NFATC1: variants seen among roughly 807,000 people sequenced by gnomAD.
NFATC1 encodes the protein nuclear factor of activated T-cells, cytoplasmic 1.
Under a neutral mutation model 76.0 loss-of-function variants are expected in NFATC1, and 22 were observed. That is an observed-to-expected ratio of 0.29 (90% confidence interval 0.21 to 0.41). NFATC1 has a LOEUF of 0.41. Ranked by LOEUF, NFATC1 falls within the 10% of genes least tolerant of loss-of-function variation. NFATC1 has a pLI of 1.00. For synonymous variants in NFATC1, 704 were observed against 613.1 expected (o/e 1.15, Z -2.19); for missense variants, 1,357 against 1,337.7 (o/e 1.01, Z -0.23).
At chr18:79,495,261 G>A (rs113442483) in intron 9 of NFATC1, among the ~76,000 whole-genome samples, 9,716 of 152,342 alleles carry the variant, frequency 0.064, 412 homozygotes, top group Admixed American at 0.097. Context: ...CCGCTCCTGT[G>A]AGCTGCCCAC....
intron 8 of NFATC1, among the ~76,000 whole-genome samples, chr18:79,473,433 C>T (rs1157662049): frequency 2.6e-5 from 4 of 151,948 alleles, no homozygotes; most frequent in African/African-American, 9.7e-5. Context: ...CATTGTAAAC[C>T]TGAGGGAAGC....
chr18:79,404,223 C>T (rs535996702), intron 1 of NFATC1, among the ~76,000 whole-genome samples: 13 of 152,352 alleles, frequency 8.5e-5, no homozygotes, highest in East Asian at 3.9e-4. Context: ...CCGGGCTGGA[C>T]GAAGGACCCT....
At chr18:79,425,157 G>GTCTCTGTCTCTCCATCTGTC (rs2086268261) in intron 2 of NFATC1, among the ~76,000 whole-genome samples, 1 of 101,468 alleles carries the variant, frequency 9.9e-6, no homozygotes, top group East Asian at 2.9e-4. Context: ...GTCTCTCTCC[G>GTCTCTGTCTCTCCATCTGTC]TCTCTGTCTC....
At chr18:79,454,781 A>G (rs868326780) in intron 6 of NFATC1, among the ~76,000 whole-genome samples, 3 of 152,266 alleles carry the variant, frequency 2.0e-5, no homozygotes, top group African/African-American at 7.2e-5. Context: ...GTGTTGGTTT[A>G]GAAGCCCCTG....
intron 3 of NFATC1, among the ~76,000 whole-genome samples, chr18:79,447,321 T>TGGGC (rs1471591771): frequency 6.6e-6 from 1 of 152,116 alleles, no homozygotes; most frequent in Non-Finnish European, 1.5e-5. Context: ...TGGCCCTGAG[T>TGGGC]GGGCAGCAGG....
intron 2 of NFATC1, among the ~76,000 whole-genome samples, chr18:79,428,421 C>CG (rs1293925972): frequency 1.3e-5 from 2 of 152,190 alleles, no homozygotes; most frequent in Admixed American, 1.3e-4. Flanking sequence ...GTGGGTGAGC[C>CG]GGACCCATTG....
At chr18:79,517,325 C>G (rs1275438387) in intron 9 of NFATC1, among the ~76,000 whole-genome samples, 5 of 152,152 alleles carry the variant, frequency 3.3e-5, no homozygotes, top group Non-Finnish European at 7.3e-5. Flanking sequence ...GAATGTCTTT[C>G]CTGTTTTGTT....
At chr18:79,444,737 A>T (rs73969266) in intron 3 of NFATC1, among the ~76,000 whole-genome samples, 2 of 140,502 alleles carry the variant, frequency 1.4e-5, no homozygotes, top group Non-Finnish European at 3.0e-5. Context: ...CCGTGGGCAC[A>T]CACGTGCCCG....
At chr18:79,399,404 C>T (rs114177961) in intron 1 of NFATC1, among the ~76,000 whole-genome samples, 3,617 of 152,328 alleles carry the variant, frequency 0.024, 43 homozygotes, top group African/African-American at 0.042. Flanking sequence ...AGCCTTGACA[C>T]GCGCACCCCT....
intron 9 of NFATC1, among the ~76,000 whole-genome samples, chr18:79,504,334 G>A (rs924989124): frequency 3.9e-5 from 6 of 152,262 alleles, no homozygotes; most frequent in South Asian, 2.1e-4. Flanking sequence ...GGAGGCTGTC[G>A]TAGGGTTCTT....
rs1043536820 is a variant in NFATC1, at chr18:79,486,173, G to A, written c.2093-75G>A. The A allele has an allele frequency of 1.6e-4, 229 of 1,400,948 alleles. 1 individual carries two copies. The South Asian group carries it at 2.8e-3, about 17-fold the overall frequency. The allele number at this position is 1,400,948 out of a possible 1,614,324, so 86.8% of individuals were successfully genotyped here. ...GGGCCCTGTTGGTTTTGCGGAGGGT[G>A]CCCCAGCCACAAGCCTGCCTGATCA... is the stretch of plus-strand genomic sequence containing the variant. On this transcript the variant is annotated intron_variant, in intron 8 of 9. Coordinates refer to ENST00000427363, the MANE Select transcript of NFATC1 (RefSeq NM_001278669.2).
intron 3 of NFATC1, among the ~76,000 whole-genome samples, chr18:79,439,129 C>A (rs1170048968): frequency 6.6e-6 from 1 of 152,202 alleles, no homozygotes. Flanking sequence ...CAGATTACCA[C>A]AGCACGCACT....
chr18:79,406,372 G>A (rs1273291173), intron 1 of NFATC1, among the ~76,000 whole-genome samples: 4 of 152,008 alleles, frequency 2.6e-5, no homozygotes, highest in South Asian at 2.1e-4. Context: ...CTGAAGAGCC[G>A]GTTGAAGGCC....
chr18:79,518,376 C>A (rs931646863), intron 9 of NFATC1, among the ~76,000 whole-genome samples: 1 of 152,214 alleles, frequency 6.6e-6, no homozygotes, highest in African/African-American at 2.4e-5. Context: ...CACAGTAGAA[C>A]ATGTGGAAGC....
At chr18:79,432,453 C>T (rs6506764) in intron 2 of NFATC1, among the ~76,000 whole-genome samples, 39,033 of 118,982 alleles carry the variant, frequency 0.33, 5,326 homozygotes, top group African/African-American at 0.44. Context: ...CCTCTGCCCA[C>T]GCAGGGTCTT....
intron 2 of NFATC1, among the ~76,000 whole-genome samples, chr18:79,427,466 T>TTG (rs1443759984): frequency 7.9e-5 from 1 of 12,694 alleles, no homozygotes; most frequent in African/African-American, 3.3e-4. Flanking sequence ...GTGCGGTGGG[T>TTG]GGGGGCTGTA....
chr18:79,520,313 C>G (rs557012594), intron 9 of NFATC1, among the ~76,000 whole-genome samples: 1 of 151,936 alleles, frequency 6.6e-6, no homozygotes, highest in Admixed American at 6.5e-5. Flanking sequence ...CTCGGTGTGT[C>G]TCGGTGTTGA....
At position 79,524,293 on chromosome 18, in the gene NFATC1, G is replaced by A. The variant is rs549452571; in HGVS notation, c.2783-3235G>A. ...GCCGTGGCTTTCCTCTCAGGGCTAC[G>A]GCACAGGCCGTGTCTGCGGGGCGAG... On this transcript the variant is annotated intron_variant, in intron 9 of 9. Transcript: ENST00000427363. The surrounding 1 kb of genome is among the most constrained non-coding windows in gnomAD (Gnocchi z 7.2). 5.9e-5 allele frequency among the ~76,000 whole-genome samples: 9 copies of A among 152,364 alleles called. 1 individual carries two copies. The South Asian group carries it at 1.2e-3, about 21-fold the overall frequency.
At chr18:79,396,475 CTG>C (rs2085008140) in intron 1 of NFATC1, 124 bp downstream of exon 1, 1 of 529,338 alleles carries the variant, frequency 1.9e-6, no homozygotes, top group Non-Finnish European at 2.6e-6. Flanking sequence ...TCGGCCGGGT[CTG>C]TGCGCCCAGG....
Sources: gnomAD v4.1 joint callset for allele counts (sites outside exome capture counted in the v4.1 genomes callset) on GRCh38, gnomAD v4.1.1 for gene constraint, Gnocchi (gnomAD v3.1) non-coding constraint, MANE v1.5 for transcripts, NCBI Gene and HGNC (gene_info 2026-07-23, HGNC 2026-07-21) for gene names.